The following CES1 variants were observed in gnomAD, a reference collection of about 807,000 sequenced individuals.
CES1 encodes carboxylesterase 1.
Under a neutral mutation model 53.0 loss-of-function variants are expected in CES1, and 50 were observed. The ratio of observed to expected loss-of-function variants is 0.94; its 90% CI spans 0.75 to 1.19. The LOEUF is 1.19. Among genes scored for constraint, CES1 ranks in the 50% most tolerant of loss-of-function variants. CES1 has a pLI of 0.00. For missense variants in CES1, 534 were observed against 538.0 expected, an observed-to-expected ratio of 0.99 and a Z score of 0.07; for synonymous variants, 202 against 210.1, an observed-to-expected ratio of 0.96 and a Z score of 0.33.
Position 55,826,143 on chromosome 16 carries a change from C to T in CES1, c.405+8G>A, listed in dbSNP as rs1363438533. On this transcript the variant is annotated splice_region_variant and intron_variant, in intron 3 of 13. Transcript: ENST00000360526. ...GACACGCCTTGACCAGGGGGTCCCA[C>T]AACTTACCGGCAGCCTGTTTTTCTT... The T allele has an allele frequency of 4.2e-4, 679 of 1,612,396 alleles. No homozygotes were observed. Among genetic ancestry groups the T allele is most frequent in the Admixed American group, 8.5e-4 (51 of 59,998 alleles).
chr16:55,820,325 A>G (rs1478131515), intron 6 of CES1, 47 bp downstream of exon 6: 11 of 1,189,682 alleles, frequency 9.2e-6, no homozygotes, highest in Admixed American at 2.0e-5. Context: ...GCATAGAGCC[A>G]AGGAGGTGGG....
Position 55,821,492 on chromosome 16 carries a change from C to G in CES1, c.569G>C (p.Trp190Ser), listed in dbSNP as rs373720580. 1.2e-5 allele frequency: 20 copies of G among 1,614,062 alleles called. No individual in the cohort carries two copies. Among genetic ancestry groups the G allele is most frequent in the Non-Finnish European group, 1.6e-5 (19 of 1,180,036 alleles). The change falls in exon 5 of 14, where the codon TGG (tryptophan) becomes TCG (serine). Residue 190 changes from tryptophan (W) to serine (S), a missense_variant. Physicochemically the swap from Trp to Ser is radical, Grantham distance 177. Coordinates refer to ENST00000360526, the MANE Select transcript of CES1 (RefSeq NM_001025195.2). The stretch of plus-strand genomic sequence containing the variant: ...GGCAGCCACCTGGTCCAGGTGACCC[C>G]AGTTCCCCCGGCTGTGTTCATCCCC... Reference protein sequence around the residue: ...STGDEHSRGNWGHLDQVAALR... With the variant: ...STGDEHSRGNSGHLDQVAALR...
intron 6 of CES1, 37 bp from the exon 7 acceptor site, chr16:55,819,676 G>A (rs752836291): frequency 2.6e-5 from 39 of 1,512,966 alleles, no homozygotes; most frequent in African/African-American, 4.1e-5. Flanking sequence ...GTTCAAGAGC[G>A]ACATCCCTTC....
chr16:55,815,320 A>T (rs1183763584), intron 8 of CES1, among the ~76,000 whole-genome samples: 1 of 152,190 alleles, frequency 6.6e-6, no homozygotes, highest in Admixed American at 6.5e-5. Flanking sequence ...CAGGCTTTTA[A>T]GAAGTGGGGG....
rs532807559 is a variant in CES1 at position 55,825,525 on chromosome 16, C to T, written c.405+626G>A. 7.2e-5 allele frequency among the ~76,000 whole-genome samples: 11 copies of T among 152,334 alleles called. No individual in the cohort carries two copies. In the South Asian group the frequency reaches 2.1e-3, roughly 29 times the overall value. ...GGGAAATTAGGTACAAAAAGAAATC[C>T]CAGCTATTTGGCCAAAGGCAAAAGG... On this transcript the variant is annotated intron_variant, in intron 3 of 13. Transcript: ENST00000360526.
rs1474896003 is a variant in CES1 at position 55,806,596 on chromosome 16, G to A, written c.1319-132C>T. Reference sequence around the variant, plus strand: ...AAACAGAGTCTCAGGAAAGCTCAGTGATGCGCTCCGGGCTGCATAGCTGTC... The same window carrying A: ...AAACAGAGTCTCAGGAAAGCTCAGTAATGCGCTCCGGGCTGCATAGCTGTC... On this transcript the variant is annotated intron_variant, in intron 11 of 13. Transcript: ENST00000360526. 2 of 50,148 alleles carry A rather than the reference G, an allele frequency of 4.0e-5. 1 individual carries two copies. Among genetic ancestry groups the A allele is most frequent in the African/African-American group, 4.3e-4 (2 of 4,670 alleles). The allele number at this position is 50,148 out of a possible 1,614,324, so 3.1% of individuals were successfully genotyped here.
chr16:55,830,773 A>AGAAGGAAGGAAGGAAAGAAGGAAGGAAG (rs2032612181), intron 1 of CES1, among the ~76,000 whole-genome samples: 1 of 76,958 alleles, frequency 1.3e-5, no homozygotes, highest in African/African-American at 5.2e-5. Flanking sequence ...AAGGAAGGAA[A>AGAAGGAAGGAAGGAAAGAAGGAAGGAAG]GAAGGAAGGA....
chr16:55,826,871 G>A (rs2032438751), intron 2 of CES1, among the ~76,000 whole-genome samples: 1 of 152,148 alleles, frequency 6.6e-6, no homozygotes, highest in South Asian at 2.1e-4. Flanking sequence ...ATGAACACTG[G>A]TAATAGTTAT....
intron 9 of CES1, among the ~76,000 whole-genome samples, 188 bp from the exon 10 acceptor site, chr16:55,811,198 T>C (rs2031681096): frequency 7.5e-6 from 1 of 134,226 alleles, no homozygotes; most frequent in Non-Finnish European, 1.6e-5. Context: ...AACTCAAGCA[T>C]TGCAAAGTTT....
chr16:55,827,416 A>G (rs1282836283), intron 2 of CES1, among the ~76,000 whole-genome samples: 7 of 152,088 alleles, frequency 4.6e-5, no homozygotes, highest in African/African-American at 2.4e-5. Flanking sequence ...TGCCTATACA[A>G]TAGCCAAAAA....
rs771735297 is a variant in CES1, at chr16:55,812,890, T to C, written c.1086+13A>G. On this transcript the variant is annotated intron_variant, in intron 9 of 13. Coordinates refer to ENST00000360526, the MANE Select transcript of CES1 (RefSeq NM_001025195.2). ...GGTGGTTGAGTCCCTCCAACAGACATGTGCCTTCTCACCATTGGAATCAAC... is the reference window on the plus strand; with the variant it reads ...GGTGGTTGAGTCCCTCCAACAGACACGTGCCTTCTCACCATTGGAATCAAC... 3.2e-5 allele frequency: 52 copies of C among 1,613,856 alleles called. No individual in the cohort carries two copies. Among genetic ancestry groups the C allele is most frequent in the Non-Finnish European group, 4.4e-5 (52 of 1,180,040 alleles).
At chr16:55,825,687 T>C (rs1225151533) in intron 3 of CES1, among the ~76,000 whole-genome samples, 1 of 152,200 alleles carries the variant, frequency 6.6e-6, no homozygotes, top group Non-Finnish European at 1.5e-5. Flanking sequence ...AAAGCACTGA[T>C]GTGAAGATCA....
Position 55,812,030 on chromosome 16 carries a change from G to A in CES1, c.1086+873C>T, listed in dbSNP as rs117885351. ...CAAGCCTCTCCCCATAGACCACAGT[G>A]TTTCCCTTGGCACACCTGGCCTATG... is the stretch of plus-strand genomic sequence containing the variant. On this transcript the variant is annotated intron_variant, in intron 9 of 13. Coordinates refer to ENST00000360526, the MANE Select transcript of CES1 (RefSeq NM_001025195.2). Among the ~76,000 whole-genome samples, 96 of 152,252 alleles carry A rather than the reference G, an allele frequency of 6.3e-4. No individual in the cohort carries two copies. The East Asian group carries it at 0.018, about 29-fold the overall frequency.
chr16:55,819,250 T>C (rs2032072289), intron 7 of CES1, among the ~76,000 whole-genome samples: 1 of 152,246 alleles, frequency 6.6e-6, no homozygotes, highest in South Asian at 2.1e-4. Context: ...TGGGAATATG[T>C]AACATTTAAT....
chr16:55,831,031 GAGCGCACTTCAA>G (rs1249648402), intron 1 of CES1, among the ~76,000 whole-genome samples: 1 of 152,182 alleles, frequency 6.6e-6, no homozygotes, highest in Non-Finnish European at 1.5e-5. Flanking sequence ...GCCACAGGAT[GAGCGCACTTCAA>G]AGCTGGAAGG....
At position 55,823,526 on chromosome 16, in the gene CES1, A is replaced by G. The variant is rs1425588770; in HGVS notation, c.539+24T>C. The G allele has an allele frequency of 2.5e-6, 4 of 1,610,214 alleles. No homozygotes were observed. The African/African-American group carries it at 4.1e-5, about 17-fold the overall frequency. On this transcript the variant is annotated intron_variant, in intron 4 of 13. Transcript: ENST00000360526. The stretch of plus-strand genomic sequence containing the variant: ...ATCCTCGTTCTGGGGGCCAAAGTGC[A>G]GTGAGGAGAGTCCGATTTCTTACCT...
intron 4 of CES1, among the ~76,000 whole-genome samples, chr16:55,821,862 G>A (rs1388002649): frequency 2.6e-5 from 4 of 152,182 alleles, no homozygotes; most frequent in East Asian, 3.8e-4. Flanking sequence ...ATGATGTCAG[G>A]TAGTCAAAGT....
At chr16:55,831,779 G>T (rs1208022902) in intron 1 of CES1, among the ~76,000 whole-genome samples, 3 of 151,128 alleles carry the variant, frequency 2.0e-5, no homozygotes, top group African/African-American at 7.3e-5. Flanking sequence ...TGCAGACGGG[G>T]CTGGGCTGTC....
At chr16:55,827,104 C>T (rs1281853264) in intron 2 of CES1, among the ~76,000 whole-genome samples, 1 of 151,944 alleles carries the variant, frequency 6.6e-6, no homozygotes, top group African/African-American at 2.4e-5. Flanking sequence ...AGTCCCAGAC[C>T]TCAATGTACC....
Sources: allele counts gnomAD v4.1 joint callset (sites outside exome capture counted in the v4.1 genomes callset), GRCh38; gene constraint gnomAD v4.1.1; transcripts MANE v1.5; gene names NCBI Gene and HGNC (gene_info 2026-07-23, HGNC 2026-07-21).